ISY1: variants seen among roughly 807,000 people sequenced by gnomAD.
ISY1 encodes the protein pre-mRNA-splicing factor ISY1 homolog.
A neutral mutation model predicts 54.4 loss-of-function variants in ISY1; 12 were observed. The ratio of observed to expected loss-of-function variants is 0.22; its 90% CI spans 0.14 to 0.36. ISY1 has a LOEUF of 0.36. Ranked by LOEUF, ISY1 falls within the 10% of genes least tolerant of loss-of-function variation. The pLI is 1.00. For synonymous variants in ISY1, 96 were observed against 117.9 expected, an observed-to-expected ratio of 0.81 and a Z score of 1.20; for missense variants, 282 against 342.2, an observed-to-expected ratio of 0.82 and a Z score of 1.39.
Position 129,156,783 on chromosome 3 carries a change from C to T in ISY1, c.144+72G>A. ...AAAAATACTTAGACTTTTGGTCTAA[C>T]AGTCATTTAGATAATAAGAAGAAAT... On this transcript the variant is annotated intron_variant, in intron 4 of 10. Transcript: ENST00000393295. 3.2e-6 allele frequency: 5 copies of T among 1,575,278 alleles called. No homozygotes were observed. In the South Asian group the frequency reaches 5.9e-5, roughly 19 times the overall value.
In ISY1 at chr3:129,151,628, C is replaced by CA. The variant is rs1321777088; in HGVS notation, c.187+5004dup. 7.9e-5 allele frequency among the ~76,000 whole-genome samples: 12 copies of CA among 151,334 alleles called. No homozygotes were observed. In the East Asian group the frequency reaches 2.3e-3, roughly 29 times the overall value. ...TGGGTGACAGAGCGAGACTCCATCT[C>CA]AAAAAAAAGAAAATTATATAGGATT... On this transcript the variant is annotated intron_variant, in intron 5 of 10. Transcript: ENST00000393295.
chr3:129,142,124 G>A (rs961331041), intron 6 of ISY1, among the ~76,000 whole-genome samples: 30 of 150,058 alleles, frequency 2.0e-4, no homozygotes, highest in Admixed American at 1.1e-3. Context: ...AGAATCACTT[G>A]AACCTGGGAG....
In ISY1 at chr3:129,127,971, C is replaced by T. The variant is rs1936133992; in HGVS notation, c.*2110G>A. On this transcript the variant is annotated 3_prime_UTR_variant, in exon 11 of 11. Coordinates refer to ENST00000393295, the MANE Select transcript of ISY1 (RefSeq NM_020701.4). ...AAGACAAACCCACAACCAGGCCTGT[C>T]TGAGGCCGGCCATCCGCACGCTCCC... 1.3e-5 allele frequency: 2 copies of T among 152,414 alleles called. No homozygotes were observed. The highest frequency in any genetic ancestry group is 2.9e-5 in the Non-Finnish European group (2 of 68,192). The allele number at this position is 152,414 out of a possible 1,614,324, so 9.4% of individuals were successfully genotyped here.
intron 5 of ISY1, among the ~76,000 whole-genome samples, chr3:129,151,453 ACT>A (rs1436925024): frequency 1.3e-5 from 2 of 151,604 alleles, no homozygotes; most frequent in African/African-American, 4.8e-5. Context: ...ACATGGCGAA[ACT>A]CTGTCTCTAG....
At chr3:129,137,769 G>T (rs530455211) in intron 7 of ISY1, among the ~76,000 whole-genome samples, 2 of 151,090 alleles carry the variant, frequency 1.3e-5, no homozygotes, top group South Asian at 4.2e-4. Context: ...AAACTTTGCC[G>T]GGCGTGGTGG....
intron 3 of ISY1, 80 bp downstream of exon 3, chr3:129,158,428 G>T: frequency 6.3e-7 from 1 of 1,590,108 alleles, no homozygotes. Flanking sequence ...CCAAGTATTG[G>T]GATTACAGGC....
rs559306671 is a variant in ISY1 at position 129,131,579 on chromosome 3, C to T, written c.664-943G>A. Among the ~76,000 whole-genome samples, 16 of 152,020 alleles carry T rather than the reference C, an allele frequency of 1.1e-4. No homozygotes were observed. In the East Asian group the frequency reaches 3.1e-3, roughly 29 times the overall value. On this transcript the variant is annotated intron_variant, in intron 9 of 10. Coordinates refer to ENST00000393295, the MANE Select transcript of ISY1 (RefSeq NM_020701.4). ...TGTTCACCCTGTGAAAATCCAGTGA[C>T]CTACACATTTAGCAGGTGTGTACTT...
At chr3:129,135,824 T>C (rs1936380185) in intron 7 of ISY1, among the ~76,000 whole-genome samples, 1 of 151,228 alleles carries the variant, frequency 6.6e-6, no homozygotes, top group Non-Finnish European at 1.5e-5. Flanking sequence ...TACAGAAATA[T>C]GCATCACAGT....
intron 9 of ISY1, among the ~76,000 whole-genome samples, chr3:129,131,102 T>C (rs984481649): frequency 6.6e-6 from 1 of 152,240 alleles, no homozygotes; most frequent in African/African-American, 2.4e-5. Context: ...AGGGGTCTTG[T>C]GGCGAGTCAG....
At chr3:129,135,652 G>A (rs1936373511) in intron 7 of ISY1, among the ~76,000 whole-genome samples, 3 of 151,472 alleles carry the variant, frequency 2.0e-5, no homozygotes, top group African/African-American at 7.3e-5. Flanking sequence ...TGTAATCCCA[G>A]CTACTCCTGA....
At chr3:129,160,917 C>CGGCCCGGGGGGGGGGGGGGGGGG in intron 1 of ISY1, 56 bp downstream of exon 1, 1 of 668,474 alleles carries the variant, frequency 1.5e-6, no homozygotes, top group Non-Finnish European at 2.7e-6. Flanking sequence ...GTGGACTGGG[C>CGGCCCGGGGGGGGGGGGGGGGGG]GCCCCCCCGC....
intron 6 of ISY1, among the ~76,000 whole-genome samples, chr3:129,145,385 G>A (rs546465637): frequency 6.6e-6 from 1 of 152,236 alleles, no homozygotes; most frequent in Admixed American, 6.5e-5. Flanking sequence ...ACCACACACA[G>A]CTAATTTTTG....
At position 129,134,083 on chromosome 3, in the gene ISY1, G is replaced by C; in HGVS notation, c.654C>G (p.Thr218=). The part of the protein sequence containing the change: ...EEEEINIYAV[T]EEESDEEGSQ... ...GGGCCAACCCCAATACCTCCTCCTCGGTGACTGCATAGATGTTGATCTCTT... is the reference window on the plus strand; with the variant it reads ...GGGCCAACCCCAATACCTCCTCCTCCGTGACTGCATAGATGTTGATCTCTT... The change falls in exon 9 of 11, where the codon ACC becomes ACG. Residue 218 remains threonine (T), a synonymous_variant. Transcript: ENST00000393295. 1 of 1,614,076 alleles carries C rather than the reference G, an allele frequency of 6.2e-7. No homozygotes were observed. Among genetic ancestry groups the C allele is most frequent in the Non-Finnish European group, 8.5e-7 (1 of 1,180,006 alleles).
At chr3:129,145,682 A>G (rs1187954738) in intron 6 of ISY1, 79 bp downstream of exon 6, 2 of 1,392,014 alleles carry the variant, frequency 1.4e-6, no homozygotes, top group Non-Finnish European at 2.0e-6. Flanking sequence ...TCAAGCGACT[A>G]CTATGGCAAG....
chr3:129,141,582 G>A (rs1020175666), intron 6 of ISY1, among the ~76,000 whole-genome samples: 19 of 151,686 alleles, frequency 1.3e-4, no homozygotes, highest in African/African-American at 3.6e-4. Flanking sequence ...GTGAAACCCC[G>A]TCTCTACTAT....
intron 5 of ISY1, 82 bp from the exon 6 acceptor site, chr3:129,145,955 T>C: frequency 7.4e-7 from 1 of 1,355,174 alleles, no homozygotes; most frequent in East Asian, 2.3e-5. Context: ...TATCATATCC[T>C]TAAAATGAAT....
intron 9 of ISY1, 77 bp downstream of exon 9, chr3:129,133,997 A>G: frequency 6.3e-7 from 1 of 1,593,122 alleles, no homozygotes; most frequent in Non-Finnish European, 8.6e-7. Context: ...TGTATTTGGG[A>G]GCCAAGTTTC....
At chr3:129,149,743 CG>C (rs1327254881) in intron 5 of ISY1, among the ~76,000 whole-genome samples, 4 of 127,388 alleles carry the variant, frequency 3.1e-5, no homozygotes, top group African/African-American at 1.2e-4. Context: ...GAGCCAAGAT[CG>C]TACCACTGCA....
intron 7 of ISY1, among the ~76,000 whole-genome samples, chr3:129,136,747 T>C (rs1936413985): frequency 6.6e-6 from 1 of 151,462 alleles, no homozygotes; most frequent in African/African-American, 2.4e-5. Flanking sequence ...TGGAGTGCAA[T>C]GGCGTGATCT....
Sources: gnomAD v4.1 joint callset for allele counts (sites outside exome capture counted in the v4.1 genomes callset) on GRCh38, gnomAD v4.1.1 for gene constraint, MANE v1.5 for transcripts, NCBI Gene and HGNC (gene_info 2026-07-23, HGNC 2026-07-21) for gene names.